Variants in CCPG1 observed in about 807,000 individuals in gnomAD.
The protein encoded by CCPG1 is cell cycle progression 1.
Under a neutral mutation model 81.3 loss-of-function variants are expected in CCPG1, and 46 were observed. The observed-to-expected ratio is 0.57, with a 90% confidence interval of 0.45 to 0.72. The LOEUF is 0.72. Ranked by LOEUF, CCPG1 falls within the 30% of genes least tolerant of loss-of-function variation. CCPG1 has a pLI of 0.00. For synonymous variants in CCPG1, 330 were observed against 305.2 expected (o/e 1.08, Z -0.85); for missense variants, 902 against 937.6 (o/e 0.96, Z 0.50).
At chr15:55,373,005 G>T (rs761527552) in intron 5 of CCPG1, 1 of 534,498 alleles carries the variant, frequency 1.9e-6, no homozygotes, top group African/African-American at 1.9e-5. Flanking sequence ...TAGTAAATAT[G>T]TCAGCATGAG....
intron 1 of CCPG1, among the ~76,000 whole-genome samples, chr15:55,395,687 T>TGCATCTGGCACTTAA (rs1328419183): frequency 1.3e-5 from 2 of 152,116 alleles, no homozygotes; most frequent in Non-Finnish European, 2.9e-5. Context: ...CCTAAGACTC[T>TGCATCTGGCACTTAA]TATTATTTTC....
chr15:55,397,739 G>A (rs530547522), intron 1 of CCPG1, among the ~76,000 whole-genome samples: 1 of 152,212 alleles, frequency 6.6e-6, no homozygotes, highest in Non-Finnish European at 1.5e-5. Context: ...CACTTTGGGA[G>A]GCCGAGGTGG....
At chr15:55,395,353 C>T (rs1401219383) in intron 1 of CCPG1, among the ~76,000 whole-genome samples, 1 of 152,064 alleles carries the variant, frequency 6.6e-6, no homozygotes, top group Non-Finnish European at 1.5e-5. Context: ...ATGAAAGCCC[C>T]CTGGCAGTTT....
At chr15:55,407,416 G>C (rs541555438) in intron 1 of CCPG1, among the ~76,000 whole-genome samples, 2 of 152,178 alleles carry the variant, frequency 1.3e-5, no homozygotes, top group South Asian at 4.1e-4. Flanking sequence ...GATATTTCAA[G>C]CACTATCCTG....
intron 5 of CCPG1, chr15:55,374,149 C>T (rs970425739): frequency 2.3e-6 from 3 of 1,286,144 alleles, no homozygotes; most frequent in African/African-American, 3.0e-5. Flanking sequence ...GATTTAGTCA[C>T]ACCACCTTGG....
chr15:55,390,802 CAT>C (rs2056899344), intron 1 of CCPG1, among the ~76,000 whole-genome samples: 1 of 152,142 alleles, frequency 6.6e-6, no homozygotes, highest in Non-Finnish European at 1.5e-5. Context: ...TAAAAATTAA[CAT>C]GTTTCAAATG....
At chr15:55,359,005 T>G in intron 8 of CCPG1, 1 of 980,690 alleles carries the variant, frequency 1.0e-6, no homozygotes, top group African/African-American at 1.7e-5. Flanking sequence ...CTTGCTTAGT[T>G]TGCCTCTTTG....
chr15:55,405,556 T>C (rs1281123203), intron 1 of CCPG1, among the ~76,000 whole-genome samples: 2 of 151,936 alleles, frequency 1.3e-5, no homozygotes, highest in South Asian at 4.2e-4. Context: ...AAAAAAGTAA[T>C]AGCCAGGCCT....
chr15:55,376,159 T>A (rs575992253), intron 5 of CCPG1, among the ~76,000 whole-genome samples: 1 of 152,360 alleles, frequency 6.6e-6, no homozygotes, highest in Non-Finnish European at 1.5e-5. Flanking sequence ...ATTTTTAGAA[T>A]CACTAGCAGT....
chr15:55,373,845 T>G (rs2056503779), intron 5 of CCPG1, among the ~76,000 whole-genome samples: 1 of 152,248 alleles, frequency 6.6e-6, no homozygotes, highest in Admixed American at 6.5e-5. Context: ...CATTATATAT[T>G]CTAACAAAAC....
intron 1 of CCPG1, among the ~76,000 whole-genome samples, chr15:55,406,400 CTG>C (rs1247313507): frequency 2.0e-5 from 3 of 149,478 alleles, no homozygotes; most frequent in Non-Finnish European, 3.0e-5. Flanking sequence ...ACTTTTATAA[CTG>C]TGAATATCCT....
At chr15:55,387,838 C>T (rs1458820362) in intron 2 of CCPG1, among the ~76,000 whole-genome samples, 1 of 148,310 alleles carries the variant, frequency 6.7e-6, no homozygotes, top group Non-Finnish European at 1.5e-5. Flanking sequence ...GAGCACCACG[C>T]CCGGCCTATA....
intron 8 of CCPG1, chr15:55,359,314 C>A: frequency 8.2e-7 from 1 of 1,219,100 alleles, no homozygotes; most frequent in Non-Finnish European, 1.0e-6. Context: ...AAAAATTAAA[C>A]CATTTGCTCA....
chr15:55,378,248 T>C (rs2056606990), intron 4 of CCPG1, 52 bp downstream of exon 4: 1 of 1,083,604 alleles, frequency 9.2e-7, no homozygotes, highest in South Asian at 1.4e-5. Context: ...CTTTAAATAG[T>C]ATTCTAAGGA....
At chr15:55,372,618 C>G (rs771443507) in intron 5 of CCPG1, 1 of 209,136 alleles carries the variant, frequency 4.8e-6, no homozygotes, top group Non-Finnish European at 9.6e-6. Context: ...GAGATCCTGC[C>G]ACTATACTCC....
rs773840273 is a variant in CCPG1, at chr15:55,360,490, C to T, written c.1283G>A (p.Arg428Gln). The T allele has an allele frequency of 1.3e-5, 21 of 1,614,056 alleles. No homozygotes were observed. Among genetic ancestry groups the T allele is most frequent in the African/African-American group, 9.3e-5 (7 of 74,984 alleles). Residue 428 changes from arginine (R) to glutamine (Q), a missense_variant, in exon 8 of 9, where the codon CGG becomes CAG. Transcript: ENST00000442196. Reference protein sequence around the residue: ...YTEKKEIAILRERLTELERKL... With the variant: ...YTEKKEIAILQERLTELERKL... ...CCGTTCCAGCTCAGTGAGTCTTTCCCGTAAGATTGCTATTTCCTTTTTTTC... is the reference window on the plus strand; with the variant it reads ...CCGTTCCAGCTCAGTGAGTCTTTCCTGTAAGATTGCTATTTCCTTTTTTTC...
intron 6 of CCPG1, among the ~76,000 whole-genome samples, chr15:55,370,606 G>A (rs1438365486): frequency 2.6e-5 from 4 of 152,198 alleles, no homozygotes; most frequent in Non-Finnish European, 5.9e-5. Context: ...GCTGGGTGCG[G>A]TGGCTCACGC....
chr15:55,374,815 T>C (rs1353911540), intron 5 of CCPG1, among the ~76,000 whole-genome samples: 7 of 152,082 alleles, frequency 4.6e-5, no homozygotes, highest in Non-Finnish European at 8.8e-5. Context: ...TAGCTGGGAT[T>C]ACAGGCACCT....
intron 8 of CCPG1, chr15:55,357,404 T>C: frequency 1.0e-6 from 1 of 985,508 alleles, no homozygotes; most frequent in Non-Finnish European, 1.2e-6. Flanking sequence ...ATTGACCACC[T>C]TCTAGCTTCA....
Sources: allele counts gnomAD v4.1 joint callset (sites outside exome capture counted in the v4.1 genomes callset), GRCh38; gene constraint gnomAD v4.1.1; transcripts MANE v1.5; gene names NCBI Gene and HGNC (gene_info 2026-07-23, HGNC 2026-07-21).